Variants in APCDD1L observed in about 807,000 individuals in gnomAD.
APCDD1L encodes protein APCDD1-like.
A neutral mutation model predicts 24.2 loss-of-function variants in APCDD1L; 21 were observed. That is an observed-to-expected ratio of 0.87 (90% confidence interval 0.61 to 1.25). The LOEUF is 1.25. Ranked by LOEUF, APCDD1L falls within the 50% of genes most tolerant of loss-of-function variation. APCDD1L has a pLI of 0.00. For missense variants in APCDD1L, 704 were observed against 711.7 expected, an observed-to-expected ratio of 0.99 and a Z score of 0.12; for synonymous variants, 321 against 323.6, an observed-to-expected ratio of 0.99 and a Z score of 0.09.
rs1568758542 is a variant in APCDD1L, at chr20:58,515,076, AAGG to A, written c.-372_-370del. On this transcript the variant is annotated 5_prime_UTR_variant, in exon 1 of 4. Transcript: ENST00000371149. Reference sequence around the variant, plus strand: ...CTTCCCCAAAGTCTTCGCAGTGGGCAAGGAGGCCTCCCCCAAGCTCTGGTCCCG... The same window carrying A: ...CTTCCCCAAAGTCTTCGCAGTGGGCAAGGCCTCCCCCAAGCTCTGGTCCCG... 4.9e-6 allele frequency: 1 copy of A among 205,650 alleles called. No homozygotes were observed. The highest frequency in any genetic ancestry group is 9.6e-6 in the Non-Finnish European group (1 of 104,220). The allele number at this position is 205,650 out of a possible 1,614,324, so 12.7% of individuals were successfully genotyped here.
Position 58,460,709 on chromosome 20 carries a change from T to C in APCDD1L, c.*81A>G. The C allele has an allele frequency of 7.0e-7, 1 of 1,436,612 alleles. No homozygotes were observed. The highest frequency in any genetic ancestry group is 9.3e-7 in the Non-Finnish European group (1 of 1,079,378). 89.0% of individuals were successfully genotyped at this position (1,436,612 alleles called of 1,614,324 possible). ...TCCATGACAGAGCAGAGGAGAATGGTTCCTTCCCTACAGCTGCCAGGAGGG... is the reference window on the plus strand; with the variant it reads ...TCCATGACAGAGCAGAGGAGAATGGCTCCTTCCCTACAGCTGCCAGGAGGG... On this transcript the variant is annotated 3_prime_UTR_variant, in exon 4 of 4. Coordinates refer to ENST00000371149, the MANE Select transcript of APCDD1L (RefSeq NM_153360.3). The surrounding 1 kb of genome is among the most constrained non-coding windows in gnomAD (Gnocchi z 4.2).
chr20:58,505,763 G>A (rs1990518566), intron 1 of APCDD1L, among the ~76,000 whole-genome samples: 1 of 152,140 alleles, frequency 6.6e-6, no homozygotes. Context: ...TAAGGTCACT[G>A]CAGGTGTAAC....
intron 1 of APCDD1L, among the ~76,000 whole-genome samples, chr20:58,473,994 G>C (rs947843605): frequency 2.6e-5 from 4 of 152,168 alleles, no homozygotes; most frequent in Non-Finnish European, 4.4e-5. Flanking sequence ...CCAGAAACAG[G>C]CCTCATGAAC....
chr20:58,490,400 A>G lies in APCDD1L; in HGVS notation c.50-19653T>C, dbSNP rs145993710. On this transcript the variant is annotated intron_variant, in intron 1 of 3. Transcript: ENST00000371149. Reference sequence around the variant, plus strand: ...CACATTCATGGTGCACCTTCACACCATGACAGCGGACAGGTAGGAGAGTGA... The same window carrying G: ...CACATTCATGGTGCACCTTCACACCGTGACAGCGGACAGGTAGGAGAGTGA... Among the ~76,000 whole-genome samples, 8 of 152,352 alleles carry G rather than the reference A, an allele frequency of 5.3e-5. No individual in the cohort carries two copies. In the South Asian group the frequency reaches 1.7e-3, roughly 32 times the overall value.
At chr20:58,464,159 C>T (rs1989667351) in intron 3 of APCDD1L, among the ~76,000 whole-genome samples, 2 of 152,086 alleles carry the variant, frequency 1.3e-5, no homozygotes, top group South Asian at 2.1e-4. Flanking sequence ...GCATTTTAAC[C>T]TACATTCTGA....
At chr20:58,476,721 T>C (rs148589658) in intron 1 of APCDD1L, among the ~76,000 whole-genome samples, 138 of 152,320 alleles carry the variant, frequency 9.1e-4, no homozygotes, top group African/African-American at 1.8e-3. Flanking sequence ...CAAGCTTTCT[T>C]GTGTAGCCTC....
At chr20:58,502,858 T>C (rs185130614) in intron 1 of APCDD1L, among the ~76,000 whole-genome samples, 1 of 152,170 alleles carries the variant, frequency 6.6e-6, no homozygotes, top group Non-Finnish European at 1.5e-5. Flanking sequence ...GCAATAAATA[T>C]GCAAATTACA....
intron 1 of APCDD1L, among the ~76,000 whole-genome samples, chr20:58,478,164 A>G (rs1422910393): frequency 6.6e-6 from 1 of 152,018 alleles, no homozygotes; most frequent in East Asian, 1.9e-4. Flanking sequence ...TAGGGGGAGT[A>G]CTTCCTCATT....
intron 1 of APCDD1L, among the ~76,000 whole-genome samples, chr20:58,501,635 C>T (rs1268127206): frequency 6.6e-6 from 1 of 152,162 alleles, no homozygotes; most frequent in Non-Finnish European, 1.5e-5. Flanking sequence ...CAAATACAGA[C>T]CTCCCATCCA....
chr20:58,467,307 C>T lies in APCDD1L; in HGVS notation c.540G>A (p.Arg180=). ...GCGCCTCCAGGCAGTCCCCCTGAGC[C>T]CGGGCGCTCCGCAGCTCGTACAGCG... The part of the protein sequence containing the change: ...PGALYELRSA[R]AQGDCLEALG... Residue 180 remains arginine (R), a synonymous_variant, in exon 3 of 4, where the codon CGG becomes CGA. Transcript: ENST00000371149. This position sits in a 1 kb window ranked among gnomAD's most constrained non-coding sequence, Gnocchi z 5.9. 6.5e-7 allele frequency: 1 copy of T among 1,527,252 alleles called. No individual in the cohort carries two copies. The highest frequency in any genetic ancestry group is 8.7e-7 in the Non-Finnish European group (1 of 1,143,836). The allele number at this position is 1,527,252 out of a possible 1,614,324, so 94.6% of individuals were successfully genotyped here.
chr20:58,474,878 C>T (rs1989878021), intron 1 of APCDD1L, among the ~76,000 whole-genome samples: 1 of 152,262 alleles, frequency 6.6e-6, no homozygotes, highest in South Asian at 2.1e-4. Flanking sequence ...AGCAGTCACT[C>T]CCGCTCCCCT....
At chr20:58,469,697 G>C (rs117307274) in intron 2 of APCDD1L, among the ~76,000 whole-genome samples, 1 of 152,182 alleles carries the variant, frequency 6.6e-6, no homozygotes, top group Non-Finnish European at 1.5e-5. Context: ...AAATGCATTC[G>C]AAGTGGCCTC....
chr20:58,501,841 T>G (rs1990442797), intron 1 of APCDD1L, among the ~76,000 whole-genome samples: 1 of 152,194 alleles, frequency 6.6e-6, no homozygotes, highest in South Asian at 2.1e-4. Context: ...GCTGTGACCC[T>G]CTTCATGGCC....
intron 1 of APCDD1L, among the ~76,000 whole-genome samples, chr20:58,503,065 G>A (rs754323031): frequency 4.6e-5 from 7 of 152,250 alleles, no homozygotes; most frequent in Non-Finnish European, 7.4e-5. Context: ...AGAAATGCAC[G>A]TCTCTGAATT....
intron 2 of APCDD1L, 95 bp downstream of exon 2, chr20:58,470,514 G>A: frequency 2.8e-6 from 4 of 1,440,324 alleles, no homozygotes; most frequent in Non-Finnish European, 3.7e-6. Flanking sequence ...GGATAACTAT[G>A]TGAATTATGC....
At chr20:58,491,180 T>A (rs79403967) in intron 1 of APCDD1L, among the ~76,000 whole-genome samples, 1 of 152,350 alleles carries the variant, frequency 6.6e-6, no homozygotes, top group Non-Finnish European at 1.5e-5. Context: ...AATTCTGAAC[T>A]TCTGAGATCA....
intron 1 of APCDD1L, among the ~76,000 whole-genome samples, chr20:58,512,737 C>T (rs1276815913): frequency 6.6e-6 from 1 of 152,156 alleles, no homozygotes. Context: ...GCAAAAGGAT[C>T]TCATCACCTG....
intron 2 of APCDD1L, 42 bp downstream of exon 2, chr20:58,470,567 C>A (rs1432599318): frequency 2.0e-6 from 3 of 1,538,324 alleles, no homozygotes; most frequent in East Asian, 2.3e-5. Context: ...GCAGAAGTCT[C>A]CCAGTCCAGG....
At position 58,474,826 on chromosome 20, in the gene APCDD1L, C is replaced by T. The variant is rs748164504; in HGVS notation, c.50-4079G>A. On this transcript the variant is annotated intron_variant, in intron 1 of 3. Transcript: ENST00000371149. ...TGCAAACACCAACACGATCTCATTCCAGAATGTTGTCATCACCTCAAAAGG... is the reference window on the plus strand; with the variant it reads ...TGCAAACACCAACACGATCTCATTCTAGAATGTTGTCATCACCTCAAAAGG... Among the ~76,000 whole-genome samples the T allele has an allele frequency of 9.2e-5, 14 of 152,300 alleles. No individual in the cohort carries two copies. In the East Asian group the frequency reaches 1.4e-3, roughly 15 times the overall value.
Sources: gnomAD v4.1 joint callset for allele counts (sites outside exome capture counted in the v4.1 genomes callset) on GRCh38, gnomAD v4.1.1 for gene constraint, Gnocchi (gnomAD v3.1) non-coding constraint, MANE v1.5 for transcripts, NCBI Gene and HGNC (gene_info 2026-07-23, HGNC 2026-07-21) for gene names.